Variants in SAMD12 observed in about 807,000 individuals in gnomAD.
SAMD12 encodes sterile alpha motif domain containing 12, also known as sterile alpha motif domain-containing protein 12.
A neutral mutation model predicts 15.0 loss-of-function variants in SAMD12; 9 were observed. The observed-to-expected ratio is 0.60, with a 90% CI of 0.36 to 1.05. The LOEUF (loss-of-function observed/expected upper bound fraction) is 1.05, where lower values mean the gene tolerates loss of function less well. Among genes scored for constraint, SAMD12 ranks in the 50% least tolerant of loss-of-function variants. The pLI, the probability that SAMD12 is intolerant of heterozygous loss-of-function variation, is 0.01. For missense variants in SAMD12, 230 were observed against 234.2 expected, an observed-to-expected ratio of 0.98 and a Z score of 0.12; for synonymous variants, 86 against 90.1, an observed-to-expected ratio of 0.96 and a Z score of 0.25.
In SAMD12 at chr8:118,492,597, C is replaced by T. The variant is rs139932211; in HGVS notation, c.193-52636G>A. On this transcript the variant is annotated intron_variant, in intron 2 of 3. Transcript: ENST00000314727. ...CACATCTACTCATAGATGACTAATA[C>T]TTTTTGTATATCTCTTCAGCTATGT... Among the ~76,000 whole-genome samples, 687 of 152,254 alleles carry T rather than the reference C, an allele frequency of 4.5e-3. 7 individuals carry two copies. The highest frequency in any genetic ancestry group is 0.016 in the African/African-American group (650 of 41,546).
At chr8:118,382,387 A>G (rs982321267) in intron 3 of SAMD12, among the ~76,000 whole-genome samples, 2 of 152,322 alleles carry the variant, frequency 1.3e-5, no homozygotes, top group Non-Finnish European at 2.9e-5. Context: ...GTTTTGTTCC[A>G]GTGCATGCAG....
chr8:118,161,082 TG>T, the SAMD12 span, among the ~76,000 whole-genome samples: 1 of 152,174 alleles, frequency 6.6e-6, no homozygotes, highest in Non-Finnish European at 1.5e-5. Context: ...CTGAGAATGA[TG>T]GTTTCCAGTT....
At chr8:118,570,647 G>A (rs1232332445) in intron 2 of SAMD12, among the ~76,000 whole-genome samples, 3 of 151,938 alleles carry the variant, frequency 2.0e-5, no homozygotes, top group Non-Finnish European at 2.9e-5. Context: ...CCTTGCTATC[G>A]TGAATAGTGC....
At chr8:118,608,375 G>A (rs985980589) in intron 1 of SAMD12, among the ~76,000 whole-genome samples, 7 of 151,724 alleles carry the variant, frequency 4.6e-5, no homozygotes, top group Admixed American at 1.3e-4. Context: ...TCCTAGTTTC[G>A]TCTTCCCGTC....
rs78883675 is a variant in SAMD12 at position 118,570,355 on chromosome 8, C to A, written c.192+10360G>T. Among the ~76,000 whole-genome samples, 12 of 152,182 alleles carry A rather than the reference C, an allele frequency of 7.9e-5. No homozygotes were observed. In the South Asian group the frequency reaches 1.0e-3, roughly 13 times the overall value. ...AGATATCTTTCCCAATCCTCTACCCCCTCCCATCCTCCATACTCTCACAGG... is the reference window on the plus strand; with the variant it reads ...AGATATCTTTCCCAATCCTCTACCCACTCCCATCCTCCATACTCTCACAGG... On this transcript the variant is annotated intron_variant, in intron 2 of 3. Transcript: ENST00000314727.
rs560023315 is a variant in SAMD12 at position 118,550,968 on chromosome 8, A to G, written c.192+29747T>C. Among the ~76,000 whole-genome samples the G allele has an allele frequency of 5.7e-3, 867 of 151,704 alleles. 2 individuals carry two copies. The highest frequency in any genetic ancestry group is 0.02 in the African/African-American group (806 of 41,264). Reference sequence around the variant, plus strand: ...TAATGGTAAAGGGATCAATTCAACAAGAAGAGCTAACTATCCTAAATATAT... The same window carrying G: ...TAATGGTAAAGGGATCAATTCAACAGGAAGAGCTAACTATCCTAAATATAT... On this transcript the variant is annotated intron_variant, in intron 2 of 3. Coordinates refer to ENST00000314727, the MANE Select transcript of SAMD12 (RefSeq NM_207506.3).
rs143101408 is a variant in SAMD12, at chr8:118,379,498, T to C, written c.525A>G (p.Leu175=). The change falls in exon 4 of 4, where the codon CTA becomes CTG. Residue 175 remains leucine (L), a synonymous_variant. Transcript: ENST00000314727. ...TCTCCCTGACTCCTGTCTGTCCTAA[T>C]AGTAAGGTGGTCTTTCTTCTAATCT... is the stretch of plus-strand genomic sequence containing the variant. ...DGEIRRKTTL[L]LGQTGVRENL... is the part of the protein sequence containing the mutation. 49 of 1,613,754 alleles carry C rather than the reference T, an allele frequency of 3.0e-5. No homozygotes were observed. Among genetic ancestry groups the C allele is most frequent in the Non-Finnish European group, 4.1e-5 (48 of 1,179,854 alleles).
At chr8:118,458,116 T>C (rs1054063960) in intron 2 of SAMD12, among the ~76,000 whole-genome samples, 1 of 152,210 alleles carries the variant, frequency 6.6e-6, no homozygotes, top group African/African-American at 2.4e-5. Flanking sequence ...ACAATGACAC[T>C]AAAAGACACA....
chr8:118,470,481 C>CA (rs1158759851), intron 2 of SAMD12, among the ~76,000 whole-genome samples: 1 of 152,140 alleles, frequency 6.6e-6, no homozygotes, highest in African/African-American at 2.4e-5. Flanking sequence ...CTGGCTCTGT[C>CA]AACACTGACC....
At chr8:118,491,242 C>T (rs973466055) in intron 2 of SAMD12, among the ~76,000 whole-genome samples, 2 of 152,178 alleles carry the variant, frequency 1.3e-5, no homozygotes, top group African/African-American at 2.4e-5. Context: ...GCTCTTTCAT[C>T]TAAGTCATTC....
At chr8:118,159,330 G>A in the SAMD12 span, among the ~76,000 whole-genome samples, 1 of 152,138 alleles carries the variant, frequency 6.6e-6, no homozygotes, top group Non-Finnish European at 1.5e-5. Context: ...CTGTGCCAGT[G>A]CCTGGACCTG....
At chr8:118,401,705 A>T (rs756052431) in intron 3 of SAMD12, among the ~76,000 whole-genome samples, 21 of 152,122 alleles carry the variant, frequency 1.4e-4, no homozygotes, top group Non-Finnish European at 2.4e-4. Context: ...CAAAAAATTT[A>T]AAAACTCATG....
chr8:118,344,319 C>CTGTGTCGT (rs2130562521), intron 4 of SAMD12, among the ~76,000 whole-genome samples: 1 of 152,342 alleles, frequency 6.6e-6, no homozygotes, highest in South Asian at 2.1e-4. Flanking sequence ...GGAAAAATAC[C>CTGTGTCGT]ACAAAGGCTT....
At chr8:118,438,420 A>AGTT (rs199665663) in intron 3 of SAMD12, among the ~76,000 whole-genome samples, 1 of 151,398 alleles carries the variant, frequency 6.6e-6, no homozygotes, top group Non-Finnish European at 1.5e-5. Flanking sequence ...TTTAAAAAAA[A>AGTT]TTTTTTTTAA....
chr8:118,277,251 G>A (rs942274433), intron 4 of SAMD12, among the ~76,000 whole-genome samples: 2 of 152,080 alleles, frequency 1.3e-5, no homozygotes, highest in Non-Finnish European at 2.9e-5. Context: ...TGCATAGTTC[G>A]AGTTCAAAAA....
At chr8:118,375,101 C>T (rs901902223), downstream of SAMD12, among the ~76,000 whole-genome samples, 4 of 152,034 alleles carry the variant, frequency 2.6e-5, no homozygotes, top group Non-Finnish European at 5.9e-5. Flanking sequence ...TACTTACAAA[C>T]TGGTCCTTTA....
At chr8:118,368,641 G>A (rs1021113616) in intron 4 of SAMD12, among the ~76,000 whole-genome samples, 1 of 152,132 alleles carries the variant, frequency 6.6e-6, no homozygotes, top group African/African-American at 2.4e-5. Flanking sequence ...TTGTAGCTAC[G>A]TTTATTTTCT....
chr8:118,281,350 G>A (rs967314503), intron 4 of SAMD12, among the ~76,000 whole-genome samples: 10 of 152,114 alleles, frequency 6.6e-5, no homozygotes, highest in African/African-American at 1.7e-4. Flanking sequence ...CCCTTCCTTC[G>A]ATGGCTTTTC....
intron 4 of SAMD12, among the ~76,000 whole-genome samples, chr8:118,231,807 C>T (rs985165276): frequency 6.6e-6 from 1 of 151,914 alleles, no homozygotes; most frequent in Non-Finnish European, 1.5e-5. Flanking sequence ...CCCAGCATCG[C>T]TTGCAATTTG....
Sources: gnomAD v4.1 joint callset for allele counts (sites outside exome capture counted in the v4.1 genomes callset) on GRCh38, gnomAD v4.1.1 for gene constraint, MANE v1.5 for transcripts, NCBI Gene and HGNC (gene_info 2026-07-23, HGNC 2026-07-21) for gene names.